The following SOX5 variants were observed in gnomAD, a reference collection of about 807,000 sequenced individuals.
SOX5 encodes the protein transcription factor SOX-5.
SOX5 carries 9 observed loss-of-function variants against 92.0 expected under a neutral mutation model. The ratio of observed to expected loss-of-function variants is 0.10; its 90% CI spans 0.06 to 0.17. The LOEUF (loss-of-function observed/expected upper bound fraction) is 0.17. Ranked by LOEUF, SOX5 falls within the 10% of genes least tolerant of loss-of-function variation. The pLI is 1.00. For synonymous variants in SOX5, 344 were observed against 336.3 expected (o/e 1.02, Z -0.25); for missense variants, 642 against 944.5 (o/e 0.68, Z 4.20).
chr12:23,949,486 A>T, intron 1 of SOX5, 78 bp downstream of exon 1: 1 of 1,559,128 alleles, frequency 6.4e-7, no homozygotes. Context: ...TTGGGGGAGC[A>T]TCTTCCAATG....
At chr12:24,383,968 A>G (rs1406067433) in intron 1 of SOX5, among the ~76,000 whole-genome samples, 1 of 152,176 alleles carries the variant, frequency 6.6e-6, no homozygotes, top group Non-Finnish European at 1.5e-5. Flanking sequence ...CTCTCATGAT[A>G]GTGAGTTCTC....
chr12:24,488,876 C>A (rs944610809), intron 1 of SOX5, among the ~76,000 whole-genome samples: 1 of 152,152 alleles, frequency 6.6e-6, no homozygotes, highest in Admixed American at 6.6e-5. Flanking sequence ...CAAAGCATCA[C>A]AAGTTAATTT....
At chr12:24,389,314 C>T (rs905363346) in intron 1 of SOX5, among the ~76,000 whole-genome samples, 2 of 152,170 alleles carry the variant, frequency 1.3e-5, no homozygotes, top group Non-Finnish European at 2.9e-5. Context: ...GCATAGTATT[C>T]CATGGTGTAT....
At chr12:23,803,769 T>C (rs2095707884) in intron 3 of SOX5, among the ~76,000 whole-genome samples, 1 of 152,230 alleles carries the variant, frequency 6.6e-6, no homozygotes, top group Non-Finnish European at 1.5e-5. Context: ...ATATCATTTC[T>C]AACCAGGCTG....
At chr12:23,643,057 A>T (rs2080312033) in intron 7 of SOX5, among the ~76,000 whole-genome samples, 1 of 98,776 alleles carries the variant, frequency 1.0e-5, no homozygotes, top group Admixed American at 9.4e-5. Context: ...ACTGCACTCC[A>T]GCCTGGGCGA....
intron 1 of SOX5, among the ~76,000 whole-genome samples, chr12:24,489,607 C>A (rs1946849088): frequency 6.8e-6 from 1 of 147,316 alleles, no homozygotes; most frequent in African/African-American, 2.5e-5. Flanking sequence ...CTTCATGCTT[C>A]CAAATAGCCA....
intron 4 of SOX5, among the ~76,000 whole-genome samples, chr12:24,073,779 T>C (rs1942116335): frequency 1.3e-5 from 2 of 152,212 alleles, no homozygotes; most frequent in South Asian, 4.1e-4. Flanking sequence ...ATTTTTGATA[T>C]CTTCTGAGAG....
intron 7 of SOX5, among the ~76,000 whole-genome samples, chr12:23,651,470 T>C (rs1453837407): frequency 6.6e-6 from 1 of 152,036 alleles, no homozygotes; most frequent in East Asian, 1.9e-4. Flanking sequence ...CTAATTTCCA[T>C]TCAATTAACA....
At chr12:24,231,609 A>G (rs989961539) in intron 3 of SOX5, among the ~76,000 whole-genome samples, 2 of 152,216 alleles carry the variant, frequency 1.3e-5, no homozygotes, top group African/African-American at 2.4e-5. Context: ...GTCTCTACAC[A>G]TATACTCACA....
chr12:23,941,324 G>A (rs1250386212), intron 1 of SOX5, among the ~76,000 whole-genome samples: 3 of 151,412 alleles, frequency 2.0e-5, no homozygotes, highest in Non-Finnish European at 3.0e-5. Flanking sequence ...GGATCTTTTG[G>A]ATATGCTTTT....
intron 2 of SOX5, among the ~76,000 whole-genome samples, chr12:24,297,273 T>C (rs1470485146): frequency 6.6e-6 from 1 of 152,314 alleles, no homozygotes. Flanking sequence ...ACAGCACTTA[T>C]GGGTTTAAAA....
chr12:24,081,431 A>C (rs1482549783), intron 4 of SOX5, among the ~76,000 whole-genome samples: 2 of 151,964 alleles, frequency 1.3e-5, no homozygotes, highest in Non-Finnish European at 2.9e-5. Context: ...GAAAGACTTC[A>C]TTTTGGAGCA....
At chr12:23,657,981 A>G (rs1181978063) in intron 7 of SOX5, among the ~76,000 whole-genome samples, 3 of 152,206 alleles carry the variant, frequency 2.0e-5, no homozygotes, top group South Asian at 2.1e-4. Flanking sequence ...TTTATCAAAG[A>G]AAGAGTCTTT....
At chr12:24,009,437 C>T (rs932144119) in intron 4 of SOX5, among the ~76,000 whole-genome samples, 3 of 150,926 alleles carry the variant, frequency 2.0e-5, no homozygotes, top group Non-Finnish European at 4.4e-5. Flanking sequence ...CCTATATTTT[C>T]AGGTGTAAAA....
chr12:23,567,749 C>A (rs561362232), intron 10 of SOX5, among the ~76,000 whole-genome samples: 1 of 152,156 alleles, frequency 6.6e-6, no homozygotes, highest in East Asian at 1.9e-4. Context: ...AGCCACCATG[C>A]CTGGCCTGCA....
intron 4 of SOX5, among the ~76,000 whole-genome samples, chr12:24,095,871 T>G (rs1945345928): frequency 6.6e-6 from 1 of 152,194 alleles, no homozygotes. Flanking sequence ...CCTCTTCACT[T>G]TCTGCCATGA....
At chr12:23,960,078 A>G (rs528216131) in intron 4 of SOX5, among the ~76,000 whole-genome samples, 1 of 152,290 alleles carries the variant, frequency 6.6e-6, no homozygotes, top group South Asian at 2.1e-4. Flanking sequence ...TGAAACCAGC[A>G]TATACCAAGC....
At chr12:23,788,363 A>G (rs536994763) in intron 3 of SOX5, among the ~76,000 whole-genome samples, 20 of 152,122 alleles carry the variant, frequency 1.3e-4, no homozygotes, top group Admixed American at 5.9e-4. Flanking sequence ...AGTCGCACAG[A>G]AACAAGCTTT....
chr12:23,916,499 G>T (rs1197032879), intron 1 of SOX5, among the ~76,000 whole-genome samples: 1 of 152,138 alleles, frequency 6.6e-6, no homozygotes, highest in Non-Finnish European at 1.5e-5. Flanking sequence ...CTCAGCTCAT[G>T]GAGTATATAG....
Sources: gnomAD v4.1 joint callset for allele counts (sites outside exome capture counted in the v4.1 genomes callset) on GRCh38, gnomAD v4.1.1 for gene constraint, MANE v1.5 for transcripts, NCBI Gene and HGNC (gene_info 2026-07-23, HGNC 2026-07-21) for gene names.